SYT7: variants seen among roughly 807,000 people sequenced by gnomAD.
SYT7 encodes the protein synaptotagmin-7.
In SYT7, 29 loss-of-function variants were observed where a neutral mutation model predicts 75.1. The observed-to-expected ratio is 0.39, with a 90% CI of 0.29 to 0.53. The LOEUF is 0.53. SYT7 is among the 20% of genes least tolerant of loss of function. The probability of loss-of-function intolerance (pLI) is 0.77; values close to 1 mark genes in which losing one functional copy is unlikely to be tolerated. For synonymous variants in SYT7, 376 were observed against 401.7 expected (o/e 0.94, Z 0.76); for missense variants, 693 against 953.2 (o/e 0.73, Z 3.59).
intron 12 of SYT7, among the ~76,000 whole-genome samples, chr11:61,520,827 A>C (rs761295643): frequency 6.6e-6 from 1 of 152,224 alleles, no homozygotes; most frequent in East Asian, 1.9e-4. Context: ...TATCTCAAAA[A>C]ACAAAACAAA....
chr11:61,534,032 AGGCTCCG>A (rs2062790221), intron 7 of SYT7, among the ~76,000 whole-genome samples: 1 of 152,134 alleles, frequency 6.6e-6, no homozygotes, highest in Admixed American at 6.5e-5. Flanking sequence ...TGGTGAGCCC[AGGCTCCG>A]TTCAGCTGGG....
chr11:61,567,850 C>T (rs528420802), intron 1 of SYT7, among the ~76,000 whole-genome samples: 5 of 152,360 alleles, frequency 3.3e-5, no homozygotes, highest in South Asian at 4.1e-4. Flanking sequence ...TCAGAGCTTG[C>T]GGCGTTGCCC....
In SYT7 at chr11:61,546,460, T is replaced by A. The variant is rs2063192670; in HGVS notation, c.348-205A>T. On this transcript the variant is annotated intron_variant, in intron 4 of 12. Coordinates refer to ENST00000539008, the MANE Select transcript of SYT7 (RefSeq NM_001365809.2). The surrounding 1 kb of genome is among the most constrained non-coding windows in gnomAD (Gnocchi z 7.6). ...GAGAGAGAGAGAGAGACATCAGCAC[T>A]GCAAATGGGTTAACAGCGGAGCCTG... The A allele has an allele frequency of 2.0e-6, 1 of 512,126 alleles. No homozygotes were observed. The highest frequency in any genetic ancestry group is 3.4e-5 in the Admixed American group (1 of 29,658). The allele number at this position is 512,126 out of a possible 1,614,324, so 31.7% of individuals were successfully genotyped here.
rs1403905969 is a variant in SYT7, at chr11:61,580,676, C to T, written c.31+114G>A. ...GGCTGGGATGACCCCTGGGGGAGCC[C>T]GTGCGGCTCCGGGCGGACAACAGCC... On this transcript the variant is annotated intron_variant, in intron 1 of 12. Transcript: ENST00000539008. This position sits in a 1 kb window ranked among gnomAD's most constrained non-coding sequence, Gnocchi z 6.1. The T allele has an allele frequency of 1.5e-6, 1 of 676,268 alleles. No individual in the cohort carries two copies. The highest frequency in any genetic ancestry group is 7.0e-5 in the South Asian group (1 of 14,216). 41.9% of individuals were successfully genotyped at this position (676,268 alleles called of 1,614,324 possible).
upstream of SYT7, among the ~76,000 whole-genome samples, chr11:61,581,639 T>G (rs759791444): frequency 5.9e-5 from 9 of 152,252 alleles, no homozygotes; most frequent in Non-Finnish European, 1.5e-5. Flanking sequence ...CCGGTCTTTC[T>G]GCAAGCTCGC....
intron 1 of SYT7, among the ~76,000 whole-genome samples, chr11:61,560,161 G>A (rs879891597): frequency 3.3e-4 from 51 of 152,288 alleles, no homozygotes; most frequent in Non-Finnish European, 5.7e-4. Flanking sequence ...GTTGAAAGCC[G>A]GGGTTTGAAC....
At chr11:61,562,191 C>T (rs576946788) in intron 1 of SYT7, among the ~76,000 whole-genome samples, 3 of 152,268 alleles carry the variant, frequency 2.0e-5, no homozygotes, top group African/African-American at 7.2e-5. Flanking sequence ...AGGAAGCCTC[C>T]CTTAGTCTGC....
chr11:61,537,532 G>A (rs1266357644), intron 7 of SYT7, among the ~76,000 whole-genome samples: 2 of 152,328 alleles, frequency 1.3e-5, no homozygotes, highest in Admixed American at 6.5e-5. Context: ...CCCTTGCTCA[G>A]GACGGCTGCC....
intron 8 of SYT7, among the ~76,000 whole-genome samples, chr11:61,529,798 C>A (rs2062647935): frequency 6.6e-6 from 1 of 152,154 alleles, no homozygotes; most frequent in Non-Finnish European, 1.5e-5. Flanking sequence ...CTACGCCTGG[C>A]TGATTTTTGT....
intron 1 of SYT7, among the ~76,000 whole-genome samples, chr11:61,569,549 G>A (rs1009944033): frequency 1.5e-4 from 23 of 152,094 alleles, no homozygotes; most frequent in African/African-American, 4.6e-4. Flanking sequence ...GGGACACATC[G>A]CAGGAAGAAA....
chr11:61,546,164 G>A lies in SYT7; in HGVS notation c.439C>T (p.Pro147Ser), dbSNP rs2063180081. The change falls in exon 5 of 13, where the codon CCG (proline) becomes TCG (serine). Residue 147 changes from proline to serine, a missense_variant. By Grantham distance (74) the Pro-to-Ser change is moderately conservative. This residue lies in a region of SYT7 where 487 missense variants were observed against 593.2 expected (regional missense o/e 0.82). Transcript: ENST00000539008. The surrounding 1 kb of genome is among the most constrained non-coding windows in gnomAD (Gnocchi z 7.6). ...GRLGEKPAPVPPPGEDALRSG... is the reference protein window; with the variant it reads ...GRLGEKPAPVSPPGEDALRSG... ...CTCAAGGCGTCCTCTCCGGGTGGCG[G>A]CACCGGTGCCGGCTTCTCCCCCAGC... 6.6e-7 allele frequency: 1 copy of A among 1,524,648 alleles called. No homozygotes were observed. Among genetic ancestry groups the A allele is most frequent in the South Asian group, 1.2e-5 (1 of 83,076 alleles). The allele number at this position is 1,524,648 out of a possible 1,614,324, so 94.4% of individuals were successfully genotyped here. A position where few individuals can be genotyped will look rare whatever the true frequency, so the allele number is the denominator to read the frequency against.
chr11:61,538,644 G>A (rs1046108781), intron 6 of SYT7, among the ~76,000 whole-genome samples: 3 of 152,058 alleles, frequency 2.0e-5, no homozygotes, highest in Non-Finnish European at 4.4e-5. Context: ...CAGTCCCAAG[G>A]GAACACGGGG....
rs1458293990 is a variant in SYT7 at position 61,553,540 on chromosome 11, A to G, written c.136-2077T>C. Reference sequence around the variant, plus strand: ...TCTGTCTGCCCCTTCTCCTTCCCCAACTCCGAGAACCTTCCCCTCTGGCTT... The same window carrying G: ...TCTGTCTGCCCCTTCTCCTTCCCCAGCTCCGAGAACCTTCCCCTCTGGCTT... On this transcript the variant is annotated intron_variant, in intron 2 of 12. Transcript: ENST00000539008. This position sits in a 1 kb window ranked among gnomAD's most constrained non-coding sequence, Gnocchi z 5.2. 6.6e-6 allele frequency among the ~76,000 whole-genome samples: 1 copy of G among 151,808 alleles called. No homozygotes were observed. Among genetic ancestry groups the G allele is most frequent in the Non-Finnish European group, 1.5e-5 (1 of 67,964 alleles).
At chr11:61,561,335 G>A (rs1299142350) in intron 1 of SYT7, among the ~76,000 whole-genome samples, 4 of 152,220 alleles carry the variant, frequency 2.6e-5, no homozygotes, top group African/African-American at 9.6e-5. Flanking sequence ...GTCCAATGCC[G>A]GGATGTCTTG....
chr11:61,547,133 G>A (rs370999296), intron 4 of SYT7, 44 bp downstream of exon 4: 184 of 1,529,822 alleles, frequency 1.2e-4, no homozygotes, highest in Admixed American at 2.2e-4. Context: ...GAGGGCGTGC[G>A]CGGATACTCG....
chr11:61,527,843 A>C, intron 9 of SYT7, 72 bp downstream of exon 9: 1 of 1,570,640 alleles, frequency 6.4e-7, no homozygotes. Flanking sequence ...ATGTGGCCAC[A>C]AGTGTGGTTG....
intron 1 of SYT7, among the ~76,000 whole-genome samples, chr11:61,564,702 C>T (rs146543511): frequency 2.0e-5 from 3 of 152,290 alleles, no homozygotes; most frequent in African/African-American, 4.8e-5. Flanking sequence ...TGGACACAAA[C>T]GACAGTTACG....
At chr11:61,565,728 C>A (rs1181134967) in intron 1 of SYT7, among the ~76,000 whole-genome samples, 1 of 152,264 alleles carries the variant, frequency 6.6e-6, no homozygotes, top group Non-Finnish European at 1.5e-5. Context: ...GAGGTGCCCA[C>A]AACCCCTTGG....
chr11:61,515,148 T>C lies in SYT7; in HGVS notation c.*3479A>G, dbSNP rs779285519. ...ATCATATTCTATAGAGATCTGAGGA[T>C]GGCTGGACACTCGGGAAGGGCCTGG... On this transcript the variant is annotated 3_prime_UTR_variant, in exon 13 of 13. Transcript: ENST00000539008. Among the ~76,000 whole-genome samples, 71 of 152,356 alleles carry C rather than the reference T, an allele frequency of 4.7e-4. No homozygotes were observed. Among genetic ancestry groups the C allele is most frequent in the Non-Finnish European group, 9.3e-4 (63 of 68,034 alleles).
Sources: allele counts gnomAD v4.1 joint callset (sites outside exome capture counted in the v4.1 genomes callset), GRCh38; gene constraint gnomAD v4.1.1; regional missense constraint gnomAD v4.1.1; non-coding constraint Gnocchi (gnomAD v3.1); transcripts MANE v1.5; gene names NCBI Gene and HGNC (gene_info 2026-07-23, HGNC 2026-07-21).